Variants in LAPTM4A observed in about 807,000 individuals in gnomAD.
LAPTM4A encodes the protein lysosomal protein transmembrane 4 alpha, also known as lysosomal-associated transmembrane protein 4A.
A neutral mutation model predicts 29.9 loss-of-function variants in LAPTM4A; 19 were observed. That is an observed-to-expected ratio of 0.64 (90% CI 0.44 to 0.93). The LOEUF is 0.93. Among genes scored for constraint, LAPTM4A ranks in the 40% least tolerant of loss-of-function variants. The pLI is 0.00. For synonymous variants in LAPTM4A, 105 were observed against 102.1 expected, an observed-to-expected ratio of 1.03 and a Z score of -0.17; for missense variants, 293 against 288.5, an observed-to-expected ratio of 1.02 and a Z score of -0.11.
At chr2:20,035,135 T>C (rs1673654092) in intron 4 of LAPTM4A, 73 bp from the exon 5 acceptor site, 2 of 991,114 alleles carry the variant, frequency 2.0e-6, no homozygotes, top group Non-Finnish European at 1.6e-6. Context: ...GAAGAGCATC[T>C]GAAGAATACA....
At chr2:20,042,947 A>G (rs1673833559) in intron 1 of LAPTM4A, among the ~76,000 whole-genome samples, 1 of 152,128 alleles carries the variant, frequency 6.6e-6, no homozygotes, top group South Asian at 2.1e-4. Context: ...ATTTTAATTT[A>G]TTTAGTTTTT....
chr2:20,043,994 T>A (rs993502437), intron 1 of LAPTM4A, among the ~76,000 whole-genome samples: 3 of 152,344 alleles, frequency 2.0e-5, no homozygotes, highest in East Asian at 3.9e-4. Context: ...GAAACCATTA[T>A]CTAAGGCTAT....
chr2:20,051,330 C>G (rs895505483), intron 1 of LAPTM4A, 80 bp downstream of exon 1: 96 of 856,200 alleles, frequency 1.1e-4, no homozygotes, highest in Non-Finnish European at 3.3e-5. Context: ...CCCAACACCC[C>G]GTTTCCAGTC....
At chr2:20,038,128 T>C (rs1341837132) in intron 2 of LAPTM4A, among the ~76,000 whole-genome samples, 1 of 152,162 alleles carries the variant, frequency 6.6e-6, no homozygotes, top group Admixed American at 6.5e-5. Flanking sequence ...GCTACATACA[T>C]TACCCTTTGC....
chr2:20,036,809 T>A (rs1673687182), intron 4 of LAPTM4A, among the ~76,000 whole-genome samples: 1 of 152,224 alleles, frequency 6.6e-6, no homozygotes, highest in African/African-American at 2.4e-5. Flanking sequence ...CTGTGACAGC[T>A]CCCGCTTGTT....
At chr2:20,051,249 C>A (rs1674062574) in intron 1 of LAPTM4A, among the ~76,000 whole-genome samples, 161 bp downstream of exon 1, 1 of 152,146 alleles carries the variant, frequency 6.6e-6, no homozygotes, top group Non-Finnish European at 1.5e-5. Context: ...AGGTTACTTT[C>A]CCAAAGTCCT....
rs751031579 is a variant in LAPTM4A at position 20,040,922 on chromosome 2, G to A, written c.201C>T (p.Ile67=). The change falls in exon 2 of 7, where the codon ATC becomes ATT. Residue 67 remains isoleucine (I), a synonymous_variant. Transcript: ENST00000175091. ...TTCTCTCAGACGAATAGTAATTACC[G>A]ATGACTTCATACTGAATGTTGACAG... ...MPAVNIQYEV[I]GNYYSSERMA... The A allele has an allele frequency of 1.2e-5, 19 of 1,613,280 alleles. No individual in the cohort carries two copies. Among genetic ancestry groups the A allele is most frequent in the South Asian group, 4.4e-5 (4 of 91,034 alleles).
In LAPTM4A at chr2:20,051,048, C is replaced by T. The variant is rs570683823; in HGVS notation, c.111+362G>A. ...GCACTGGATAGGAGGAAGGGAGATG[C>T]TGCCTTTCAGATCGTAGAAATACAA... is the stretch of plus-strand genomic sequence containing the variant. On this transcript the variant is annotated intron_variant, in intron 1 of 6. Transcript: ENST00000175091. Among the ~76,000 whole-genome samples the T allele has an allele frequency of 3.9e-5, 6 of 152,282 alleles. No homozygotes were observed. In the East Asian group the frequency reaches 1.2e-3, roughly 29 times the overall value.
At chr2:20,048,206 T>C (rs149803289) in intron 1 of LAPTM4A, among the ~76,000 whole-genome samples, 54 of 152,366 alleles carry the variant, frequency 3.5e-4, no homozygotes, top group African/African-American at 1.3e-3. Context: ...AGCACACTTT[T>C]AAGTCCATTT....
Position 20,051,122 on chromosome 2 carries a change from C to T in LAPTM4A, c.111+288G>A, listed in dbSNP as rs555132351. Among the ~76,000 whole-genome samples the T allele has an allele frequency of 2.6e-5, 4 of 152,338 alleles. No individual in the cohort carries two copies. In the East Asian group the frequency reaches 7.7e-4, roughly 29 times the overall value. On this transcript the variant is annotated intron_variant, in intron 1 of 6. Coordinates refer to ENST00000175091, the MANE Select transcript of LAPTM4A (RefSeq NM_014713.5). ...CCACCAAATCCTACCACCCTCGTCCCTTCGCCTGCAAAGCCTCTGCTCTCC... is the reference window on the plus strand; with the variant it reads ...CCACCAAATCCTACCACCCTCGTCCTTTCGCCTGCAAAGCCTCTGCTCTCC...
intron 1 of LAPTM4A, 46 bp from the exon 2 acceptor site, chr2:20,041,057 C>T (rs776787956): frequency 1.0e-5 from 16 of 1,600,092 alleles, no homozygotes; most frequent in Admixed American, 1.7e-5. Context: ...ACCATCACGA[C>T]GCAATCTTAG....
chr2:20,051,322 C>CCA, intron 1 of LAPTM4A, 88 bp downstream of exon 1: 1 of 804,590 alleles, frequency 1.2e-6, no homozygotes, highest in Non-Finnish European at 2.1e-6. Context: ...CCGCCCCACC[C>CCA]AACACCCCGT....
rs1558384229 is a variant in LAPTM4A at position 20,037,401 on chromosome 2, CG to C, written c.346del (p.Arg116AspfsTer64). ...GCAACTGAGGACGAAGTCAAAAAGTCGGTAACAGAAGAATGGAATCAGCCAA... is the reference window on the plus strand; with the variant it reads ...GCAACTGAGGACGAAGTCAAAAAGTCGTAACAGAAGAATGGAATCAGCCAA... ...VGWLIPFFCY[R>X]LFDFVLSCLV... is the part of the protein sequence containing the mutation. On this transcript the variant is annotated frameshift_variant, in exon 4 of 7. Transcript: ENST00000175091. LOFTEE classifies it high-confidence loss of function. 6.2e-7 allele frequency: 1 copy of C among 1,612,158 alleles called. No individual in the cohort carries two copies. The highest frequency in any genetic ancestry group is 1.1e-5 in the South Asian group (1 of 90,790).
At chr2:20,043,815 T>C (rs1395539053) in intron 1 of LAPTM4A, among the ~76,000 whole-genome samples, 1 of 152,124 alleles carries the variant, frequency 6.6e-6, no homozygotes. Context: ...TATGTGTAGA[T>C]GGGGAAACTT....
At chr2:20,043,573 T>A (rs747286386) in intron 1 of LAPTM4A, among the ~76,000 whole-genome samples, 1 of 152,354 alleles carries the variant, frequency 6.6e-6, no homozygotes, top group African/African-American at 2.4e-5. Flanking sequence ...TCACCTTGAA[T>A]GATAAACACA....
chr2:20,035,301 A>C (rs888190173), intron 4 of LAPTM4A: 2 of 458,408 alleles, frequency 4.4e-6, no homozygotes, highest in Non-Finnish European at 8.0e-6. Flanking sequence ...GTCTAAATTT[A>C]GCTCGTTTTC....
chr2:20,047,497 T>C (rs1256923414), intron 1 of LAPTM4A, among the ~76,000 whole-genome samples: 2 of 145,258 alleles, frequency 1.4e-5, no homozygotes, highest in African/African-American at 5.1e-5. Flanking sequence ...GAGACCATCC[T>C]GGCTAACAAG....
intron 1 of LAPTM4A, among the ~76,000 whole-genome samples, chr2:20,046,704 T>C (rs1001463465): frequency 1.4e-5 from 2 of 143,688 alleles, no homozygotes; most frequent in African/African-American, 5.0e-5. Flanking sequence ...TTTTTATATG[T>C]TTTATATATA....
chr2:20,046,761 TATATA>T (rs552607036), intron 1 of LAPTM4A, among the ~76,000 whole-genome samples: 1,469 of 143,802 alleles, frequency 0.01, 21 homozygotes, highest in African/African-American at 0.032. Flanking sequence ...TATAAATATA[TATATA>T]ATATAATATA....
Sources: gnomAD v4.1 joint callset for allele counts (sites outside exome capture counted in the v4.1 genomes callset) on GRCh38, gnomAD v4.1.1 for gene constraint, MANE v1.5 for transcripts, NCBI Gene and HGNC (gene_info 2026-07-23, HGNC 2026-07-21) for gene names.